NUDT9: variants seen among roughly 807,000 people sequenced by gnomAD.
NUDT9 encodes ADP-ribose pyrophosphatase.
NUDT9 carries 31 observed loss-of-function variants against 41.0 expected under a neutral mutation model. That is an observed-to-expected ratio of 0.76 (90% CI 0.57 to 1.02). The LOEUF is 1.02. Ranked by LOEUF, NUDT9 falls within the 50% of genes least tolerant of loss-of-function variation. The pLI is 0.00. For synonymous variants in NUDT9, 146 were observed against 147.6 expected (o/e 0.99, Z 0.08); for missense variants, 380 against 431.4 (o/e 0.88, Z 1.06).
chr4:87,435,844 T>C (rs1419238750), intron 2 of NUDT9, among the ~76,000 whole-genome samples: 1 of 152,246 alleles, frequency 6.6e-6, no homozygotes, highest in Non-Finnish European at 1.5e-5. Flanking sequence ...ATTTAAGGTG[T>C]ACAATGTGAT....
Position 87,458,902 on chromosome 4 carries a change from A to G in NUDT9, c.*881A>G, listed in dbSNP as rs1024907944. 2.0e-5 allele frequency: 3 copies of G among 152,190 alleles called. No homozygotes were observed. The highest frequency in any genetic ancestry group is 7.2e-5 in the African/African-American group (3 of 41,458). 9.4% of individuals were successfully genotyped at this position (152,190 alleles called of 1,614,324 possible). A position where few individuals can be genotyped will look rare whatever the true frequency, so the allele number is the denominator to read the frequency against. ...TGGAAGAGAGTGTAGAGAGTCCTCAAATATTTAAAGATATTTGACCCAGTA... is the reference window on the plus strand; with the variant it reads ...TGGAAGAGAGTGTAGAGAGTCCTCAGATATTTAAAGATATTTGACCCAGTA... On this transcript the variant is annotated 3_prime_UTR_variant, in exon 8 of 8. Coordinates refer to ENST00000302174, the MANE Select transcript of NUDT9 (RefSeq NM_024047.5).
At chr4:87,443,351 G>C (rs140398674) in intron 4 of NUDT9, among the ~76,000 whole-genome samples, 13 of 152,216 alleles carry the variant, frequency 8.5e-5, no homozygotes, top group African/African-American at 3.1e-4. Flanking sequence ...ATAGTGATGC[G>C]ATGTAAGTAT....
chr4:87,423,096 G>T lies in NUDT9; in HGVS notation c.107+84G>T, dbSNP rs1241425940. 1.7e-5 allele frequency: 17 copies of T among 971,984 alleles called. No homozygotes were observed. In the Middle Eastern group the frequency reaches 6.5e-4, roughly 37 times the overall value. 60.2% of individuals were successfully genotyped at this position (971,984 alleles called of 1,614,324 possible). On this transcript the variant is annotated intron_variant, in intron 1 of 7. Coordinates refer to ENST00000302174, the MANE Select transcript of NUDT9 (RefSeq NM_024047.5). ...GCAGCTTTTTTTTCTGGCGTATTCT[G>T]TAGGCTTTGCTTTGCCTCTCGGGTT... is the stretch of plus-strand genomic sequence containing the variant.
chr4:87,454,252 G>C, intron 6 of NUDT9, 119 bp from the exon 7 acceptor site: 1 of 631,476 alleles, frequency 1.6e-6, no homozygotes, highest in South Asian at 1.9e-5. Context: ...GTAGCATTAA[G>C]TATGTTCATG....
intron 1 of NUDT9, among the ~76,000 whole-genome samples, chr4:87,425,582 A>G (rs920093882): frequency 4.6e-5 from 7 of 151,058 alleles, no homozygotes; most frequent in African/African-American, 7.3e-5. Context: ...TTTAGTAGAG[A>G]TGGGGTTTTA....
chr4:87,457,805 T>C (rs368327043), intron 7 of NUDT9, 38 bp from the exon 8 acceptor site: 36 of 1,575,690 alleles, frequency 2.3e-5, no homozygotes, highest in South Asian at 1.5e-4. Context: ...AAAACAGAAA[T>C]GAGTTTTTCT....
At chr4:87,434,097 C>G (rs190393975) in intron 1 of NUDT9, 8 of 152,286 alleles carry the variant, frequency 5.3e-5, no homozygotes, top group African/African-American at 1.9e-4. Context: ...CTCTGTCGCC[C>G]AGGCTGGAGT....
At chr4:87,448,728 A>G (rs1439245994) in intron 4 of NUDT9, among the ~76,000 whole-genome samples, 1 of 152,020 alleles carries the variant, frequency 6.6e-6, no homozygotes, top group Non-Finnish European at 1.5e-5. Flanking sequence ...AATTCTCCCA[A>G]AGTGTTGGGA....
chr4:87,440,527 T>A (rs976641168), intron 3 of NUDT9, among the ~76,000 whole-genome samples: 1 of 152,182 alleles, frequency 6.6e-6, no homozygotes, highest in East Asian at 1.9e-4. Flanking sequence ...TCACTTGTGT[T>A]CAGGGGTGTG....
rs1320874313 is a variant in NUDT9 at position 87,454,377 on chromosome 4, A to G, written c.796A>G (p.Lys266Glu). 1 of 1,602,334 alleles carries G rather than the reference A, an allele frequency of 6.2e-7. No individual in the cohort carries two copies. Among genetic ancestry groups the G allele is most frequent in the African/African-American group, 1.3e-5 (1 of 74,770 alleles). ...TGTCTTCTTTTGAAAATAGATATAT[A>G]AGGGATATGTTGATGATCCTCGAAA... ...LFSQDHLVIY[K>E]GYVDDPRNTD... is the part of the protein sequence containing the mutation. The change falls in exon 7 of 8, where the codon AAG becomes GAG. Residue 266 changes from lysine to glutamate, a missense_variant. Physicochemically the swap from Lys to Glu is moderately conservative, Grantham distance 56. Transcript: ENST00000302174.
At chr4:87,427,467 G>A (rs1721484623) in intron 1 of NUDT9, among the ~76,000 whole-genome samples, 1 of 152,112 alleles carries the variant, frequency 6.6e-6, no homozygotes, top group African/African-American at 2.4e-5. Context: ...CTTTTTTCTG[G>A]TACCTTACAG....
At chr4:87,452,515 G>A (rs965367018) in intron 6 of NUDT9, among the ~76,000 whole-genome samples, 1 of 152,100 alleles carries the variant, frequency 6.6e-6, no homozygotes, top group South Asian at 2.1e-4. Flanking sequence ...GTGCAGTGGT[G>A]TTATGGCTCA....
At chr4:87,445,732 A>G (rs1043327013) in intron 4 of NUDT9, among the ~76,000 whole-genome samples, 14 of 152,346 alleles carry the variant, frequency 9.2e-5, no homozygotes, top group African/African-American at 2.6e-4. Flanking sequence ...AGGTTCGTCA[A>G]TTAAAATGAT....
intron 7 of NUDT9, among the ~76,000 whole-genome samples, chr4:87,454,766 T>G (rs1722914592): frequency 6.6e-6 from 1 of 152,230 alleles, no homozygotes; most frequent in Admixed American, 6.5e-5. Context: ...TCCCTTTTTT[T>G]GCAAAACAAA....
Position 87,458,065 on chromosome 4 carries a change from A to T in NUDT9, c.*44A>T, listed in dbSNP as rs370319790. On this transcript the variant is annotated 3_prime_UTR_variant, in exon 8 of 8. Transcript: ENST00000302174. ...GCCAAAGGCCCACAGAGGAGCATAT[A>T]CTGAAAAGAAGGCAGTATCACAGAA... The T allele has an allele frequency of 6.9e-7, 1 of 1,453,780 alleles. No individual in the cohort carries two copies. The highest frequency in any genetic ancestry group is 9.0e-7 in the Non-Finnish European group (1 of 1,105,400). 90.1% of individuals were successfully genotyped at this position (1,453,780 alleles called of 1,614,324 possible). A position where few individuals can be genotyped will look rare whatever the true frequency, so the allele number is the denominator to read the frequency against.
At chr4:87,431,929 A>G (rs949827938) in intron 1 of NUDT9, among the ~76,000 whole-genome samples, 1 of 152,298 alleles carries the variant, frequency 6.6e-6, no homozygotes, top group East Asian at 1.9e-4. Context: ...CAGGTGATCC[A>G]CTAGCCTCTG....
rs1278913815 is a variant in NUDT9, at chr4:87,458,858, T to C, written c.*837T>C. On this transcript the variant is annotated 3_prime_UTR_variant, in exon 8 of 8. Transcript: ENST00000302174. ...TGCTTATACGCTGTTAGTGGGAGTGTAAATTGGTCCAACCATTGTGGAAGA... is the reference window on the plus strand; with the variant it reads ...TGCTTATACGCTGTTAGTGGGAGTGCAAATTGGTCCAACCATTGTGGAAGA... 1.3e-5 allele frequency: 2 copies of C among 152,224 alleles called. No individual in the cohort carries two copies. Among genetic ancestry groups the C allele is most frequent in the African/African-American group, 4.8e-5 (2 of 41,458 alleles). The allele number at this position is 152,224 out of a possible 1,614,324, so 9.4% of individuals were successfully genotyped here.
At chr4:87,438,809 T>C (rs1722068769) in intron 3 of NUDT9, among the ~76,000 whole-genome samples, 1 of 152,200 alleles carries the variant, frequency 6.6e-6, no homozygotes, top group African/African-American at 2.4e-5. Context: ...CCTATACAAC[T>C]CAAAAATTAT....
At position 87,425,136 on chromosome 4, in the gene NUDT9, G is replaced by C. The variant is rs955652602; in HGVS notation, c.107+2124G>C. Among the ~76,000 whole-genome samples the C allele has an allele frequency of 4.6e-5, 7 of 151,962 alleles. No individual in the cohort carries two copies. The South Asian group carries it at 1.5e-3, about 32-fold the overall frequency. ...TTTGGAAGGCTGAGGCAGGAGGATC[G>C]TGTGAGGCCAGGAGTTTGAGACCAG... is the stretch of plus-strand genomic sequence containing the variant. On this transcript the variant is annotated intron_variant, in intron 1 of 7. Transcript: ENST00000302174.
Sources: gnomAD v4.1 joint callset for allele counts (sites outside exome capture counted in the v4.1 genomes callset) on GRCh38, gnomAD v4.1.1 for gene constraint, MANE v1.5 for transcripts, NCBI Gene and HGNC (gene_info 2026-07-23, HGNC 2026-07-21) for gene names.